The following TRHR variants were observed in gnomAD, a reference collection of about 807,000 sequenced individuals.
The protein encoded by TRHR is thyrotropin releasing hormone receptor, also known as thyrotropin-releasing hormone receptor.
In TRHR, 14 loss-of-function variants were observed where a neutral mutation model predicts 28.0. The observed-to-expected ratio is 0.50, with a 90% CI of 0.33 to 0.78. The LOEUF (loss-of-function observed/expected upper bound fraction) is 0.78. Ranked by LOEUF, TRHR falls within the 30% of genes least tolerant of loss-of-function variation. TRHR has a pLI of 0.02. For synonymous variants in TRHR, 176 were observed against 171.9 expected (o/e 1.02, Z -0.18); for missense variants, 438 against 469.5 (o/e 0.93, Z 0.62).
At chr8:109,099,190 A>G (rs1299167878) in intron 2 of TRHR, among the ~76,000 whole-genome samples, 7 of 152,188 alleles carry the variant, frequency 4.6e-5, no homozygotes, top group Admixed American at 3.3e-4. Context: ...GGAGTTAGAA[A>G]TATGGGATTG....
intron 1 of TRHR, 52 bp from the exon 2 acceptor site, chr8:109,087,373 T>A: frequency 1.1e-6 from 1 of 919,240 alleles, no homozygotes. Context: ...TGATTGGGAC[T>A]TGATCAGAAA....
At chr8:109,095,837 C>A (rs1386846279) in intron 2 of TRHR, among the ~76,000 whole-genome samples, 1 of 151,888 alleles carries the variant, frequency 6.6e-6, no homozygotes, top group Non-Finnish European at 1.5e-5. Context: ...ATCCCCCCGC[C>A]CCCCATAGCT....
At position 109,086,638 on chromosome 8, in the gene TRHR, G is replaced by C. The variant is rs538192978; in HGVS notation, c.-334G>C. 6.5e-6 allele frequency: 1 copy of C among 152,938 alleles called. No homozygotes were observed. Among genetic ancestry groups the C allele is most frequent in the Non-Finnish European group, 1.5e-5 (1 of 68,742 alleles). 9.5% of individuals were successfully genotyped at this position (152,938 alleles called of 1,614,324 possible). A position where few individuals can be genotyped will look rare whatever the true frequency, so the allele number is the denominator to read the frequency against. The stretch of plus-strand genomic sequence containing the variant: ...AGCGTGTATGTTCTCATTAGGGGAC[G>C]ATCTATGATTTGACAGCCTCACTGC... On this transcript the variant is annotated 5_prime_UTR_variant, in exon 1 of 3. Coordinates refer to ENST00000518632, the MANE Select transcript of TRHR (RefSeq NM_003301.7).
At position 109,120,692 on chromosome 8, in the gene TRHR, T is replaced by G. The variant is rs552010037; in HGVS notation, c.*1237T>G. On this transcript the variant is annotated 3_prime_UTR_variant, in exon 3 of 3. Coordinates refer to ENST00000518632, the MANE Select transcript of TRHR (RefSeq NM_003301.7). ...ATATTATCAGTATGTCATCTTTATATTTATGACTGACATCTGCTATTCCAG... is the reference window on the plus strand; with the variant it reads ...ATATTATCAGTATGTCATCTTTATAGTTATGACTGACATCTGCTATTCCAG... Among the ~76,000 whole-genome samples, 3 of 151,820 alleles carry G rather than the reference T, an allele frequency of 2.0e-5. No individual in the cohort carries two copies. Among genetic ancestry groups the G allele is most frequent in the Non-Finnish European group, 4.4e-5 (3 of 67,850 alleles).
rs746874889 is a variant in TRHR, at chr8:109,119,496, A to C, written c.*41A>C. On this transcript the variant is annotated 3_prime_UTR_variant, in exon 3 of 3. Coordinates refer to ENST00000518632, the MANE Select transcript of TRHR (RefSeq NM_003301.7). ...AAAATGGATGACAAAGAAAATGAGA[A>C]TCTGTGCAGTCATCAACAAAAGGGA... 1 of 1,604,092 alleles carries C rather than the reference A, an allele frequency of 6.2e-7. No individual in the cohort carries two copies. The highest frequency in any genetic ancestry group is 1.1e-5 in the South Asian group (1 of 90,860).
rs143035676 is a variant in TRHR, at chr8:109,121,505, C to A, written c.*2050C>A. On this transcript the variant is annotated 3_prime_UTR_variant, in exon 3 of 3. Coordinates refer to ENST00000518632, the MANE Select transcript of TRHR (RefSeq NM_003301.7). ...AGCTGTAATTTCTCTGATGATTAGACCAGTATTCCTGTGACCTAATTCCTA... is the reference window on the plus strand; with the variant it reads ...AGCTGTAATTTCTCTGATGATTAGAACAGTATTCCTGTGACCTAATTCCTA... Among the ~76,000 whole-genome samples the A allele has an allele frequency of 2.4e-3, 371 of 151,770 alleles. 2 individuals are homozygous for A. The highest frequency in any genetic ancestry group is 8.6e-3 in the African/African-American group (356 of 41,468).
At chr8:109,106,939 G>C (rs1323541434) in intron 2 of TRHR, among the ~76,000 whole-genome samples, 1 of 152,104 alleles carries the variant, frequency 6.6e-6, no homozygotes, top group Non-Finnish European at 1.5e-5. Context: ...ACATAAGTAA[G>C]CCAATGAAGG....
Position 109,087,431 on chromosome 8 carries a change from G to A in TRHR, c.-82G>A. ...GTACTATGACCCTTCACAGGGGGAT[G>A]GAACTGCTGCAATAAAGGTGGGCGC... On this transcript the variant is annotated 5_prime_UTR_variant, in exon 2 of 3. The change abolishes an upstream ATG in the 5' untranslated region. Transcript: ENST00000518632. 2 of 1,458,000 alleles carry A rather than the reference G, an allele frequency of 1.4e-6. No individual in the cohort carries two copies. Among genetic ancestry groups the A allele is most frequent in the African/African-American group, 1.4e-5 (1 of 71,778 alleles). 90.3% of individuals were successfully genotyped at this position (1,458,000 alleles called of 1,614,324 possible).
At chr8:109,103,660 C>A (rs1273509456) in intron 2 of TRHR, among the ~76,000 whole-genome samples, 1 of 152,150 alleles carries the variant, frequency 6.6e-6, no homozygotes, top group African/African-American at 2.4e-5. Flanking sequence ...CTCAAGAAGT[C>A]TGTGTCAGCC....
rs112605400 is a variant in TRHR at position 109,112,185 on chromosome 8, C to T, written c.790-6863C>T. On this transcript the variant is annotated intron_variant, in intron 2 of 2. Transcript: ENST00000518632. ...ACACATAGAAGGACAAAGCCACAGC[C>T]TTTATTTCCAAAGCAAGAGTATCCA... Among the ~76,000 whole-genome samples the T allele has an allele frequency of 4.4e-3, 677 of 152,268 alleles. 4 individuals are homozygous for T. Among genetic ancestry groups the T allele is most frequent in the Non-Finnish European group, 7.2e-3 (488 of 68,006 alleles).
chr8:109,100,036 A>G lies in TRHR; in HGVS notation c.789+11735A>G, dbSNP rs575380227. 6.6e-5 allele frequency among the ~76,000 whole-genome samples: 10 copies of G among 152,278 alleles called. No individual in the cohort carries two copies. In the South Asian group the frequency reaches 1.0e-3, roughly 16 times the overall value. On this transcript the variant is annotated intron_variant, in intron 2 of 2. Coordinates refer to ENST00000518632, the MANE Select transcript of TRHR (RefSeq NM_003301.7). ...TGCAGAGCACCCCATGAATTTTTAA[A>G]GATCATTTTTGTGTAGTCAAGTGAC... is the stretch of plus-strand genomic sequence containing the variant.
In TRHR at chr8:109,119,813, T is replaced by A. The variant is rs1398574629; in HGVS notation, c.*358T>A. Reference sequence around the variant, plus strand: ...CATAGTAACCTTATCAAATGTCACTTTTCAACTTCCCTAATTTATTTATAC... The same window carrying A: ...CATAGTAACCTTATCAAATGTCACTATTCAACTTCCCTAATTTATTTATAC... On this transcript the variant is annotated 3_prime_UTR_variant, in exon 3 of 3. Transcript: ENST00000518632. 6.6e-6 allele frequency among the ~76,000 whole-genome samples: 1 copy of A among 151,934 alleles called. No individual in the cohort carries two copies. Among genetic ancestry groups the A allele is most frequent in the Admixed American group, 6.6e-5 (1 of 15,224 alleles).
intron 2 of TRHR, among the ~76,000 whole-genome samples, chr8:109,113,479 C>A (rs1206265093): frequency 6.6e-6 from 1 of 152,074 alleles, no homozygotes; most frequent in Non-Finnish European, 1.5e-5. Context: ...ACTGTCCCAG[C>A]CCAGAGGAAC....
At chr8:109,106,395 C>T (rs1811752404) in intron 2 of TRHR, among the ~76,000 whole-genome samples, 1 of 152,028 alleles carries the variant, frequency 6.6e-6, no homozygotes, top group Non-Finnish European at 1.5e-5. Context: ...AACATAGTGC[C>T]GATCAATATT....
Position 109,087,423 on chromosome 8 carries a change from A to C in TRHR, c.-88-2A>C. 1 of 1,394,154 alleles carries C rather than the reference A, an allele frequency of 7.2e-7. No individual in the cohort carries two copies. Among genetic ancestry groups the C allele is most frequent in the Non-Finnish European group, 1.0e-6 (1 of 994,762 alleles). 86.4% of individuals were successfully genotyped at this position (1,394,154 alleles called of 1,614,324 possible). ...ATGAATATGTACTATGACCCTTCAC[A>C]GGGGGATGGAACTGCTGCAATAAAG... On this transcript the variant is annotated splice_acceptor_variant, in intron 1 of 2. Coordinates refer to ENST00000518632, the MANE Select transcript of TRHR (RefSeq NM_003301.7). LOFTEE classifies it low-confidence loss of function (5UTR_SPLICE).
intron 2 of TRHR, among the ~76,000 whole-genome samples, chr8:109,093,958 C>T (rs905466679): frequency 1.3e-5 from 2 of 151,658 alleles, no homozygotes; most frequent in Middle Eastern, 3.2e-3. Context: ...TGAGAGGCTA[C>T]GTAAAACCTG....
chr8:109,092,682 G>A (rs892851916), intron 2 of TRHR, among the ~76,000 whole-genome samples: 38 of 151,960 alleles, frequency 2.5e-4, no homozygotes, highest in Admixed American at 1.6e-3. Context: ...CAGGTGATAC[G>A]CTAGTCTCGG....
chr8:109,112,791 T>C (rs1228516980), intron 2 of TRHR, among the ~76,000 whole-genome samples: 2 of 152,172 alleles, frequency 1.3e-5, no homozygotes, highest in East Asian at 1.9e-4. Flanking sequence ...AAAACCTTGG[T>C]TGGGTAGCTA....
rs570598743 is a variant in TRHR, at chr8:109,087,459, G to A, written c.-54G>A. ...ACTGCTGCAATAAAGGTGGGCGCTG[G>A]AAAGAAGATGTTTTGAGAAGTCAGT... On this transcript the variant is annotated 5_prime_UTR_variant, in exon 2 of 3. Coordinates refer to ENST00000518632, the MANE Select transcript of TRHR (RefSeq NM_003301.7). 3.3e-4 allele frequency: 524 copies of A among 1,603,592 alleles called. No individual in the cohort carries two copies. The highest frequency in any genetic ancestry group is 4.2e-4 in the Non-Finnish European group (490 of 1,173,070).
Sources: allele counts gnomAD v4.1 joint callset (sites outside exome capture counted in the v4.1 genomes callset), GRCh38; gene constraint gnomAD v4.1.1; transcripts MANE v1.5; gene names NCBI Gene and HGNC (gene_info 2026-07-23, HGNC 2026-07-21).